The following WDR19 variants were observed in gnomAD, a reference collection of about 807,000 sequenced individuals.
WDR19 encodes the protein WD repeat-containing protein 19.
WDR19 carries 121 observed loss-of-function variants against 180.0 expected under a neutral mutation model. That is an observed-to-expected ratio of 0.67 (90% CI 0.58 to 0.78). The LOEUF (loss-of-function observed/expected upper bound fraction) is 0.78, where lower values mean the gene tolerates loss of function less well. Ranked by LOEUF, WDR19 falls within the 30% of genes least tolerant of loss-of-function variation. The probability of loss-of-function intolerance (pLI) is 0.00; values close to 1 mark genes in which losing one functional copy is unlikely to be tolerated. For synonymous variants in WDR19, 497 were observed against 540.7 expected (o/e 0.92, Z 1.12); for missense variants, 1,450 against 1,640.7 (o/e 0.88, Z 2.01).
At chr4:39,268,654 A>G (rs993567654) in intron 30 of WDR19, among the ~76,000 whole-genome samples, 2 of 152,162 alleles carry the variant, frequency 1.3e-5, no homozygotes, top group African/African-American at 2.4e-5. Context: ...TGTGGACACA[A>G]TTTTGGAAAA....
chr4:39,189,551 T>TTA (rs1420179897), intron 3 of WDR19, 105 bp from the exon 4 acceptor site: 2 of 1,068,140 alleles, frequency 1.9e-6, no homozygotes. Flanking sequence ...GAGAGTTTAT[T>TTA]ATCTGTTCAA....
At chr4:39,269,396 G>A (rs1735119999) in intron 30 of WDR19, among the ~76,000 whole-genome samples, 1 of 152,150 alleles carries the variant, frequency 6.6e-6, no homozygotes, top group Admixed American at 6.5e-5. Flanking sequence ...GCATGGGAAG[G>A]GAGGCTGGAA....
At chr4:39,242,386 C>T (rs942487846) in intron 21 of WDR19, among the ~76,000 whole-genome samples, 1 of 152,098 alleles carries the variant, frequency 6.6e-6, no homozygotes, top group African/African-American at 2.4e-5. Flanking sequence ...CCTCCCTAAG[C>T]ACTGCGATTA....
chr4:39,255,314 T>G (rs1284487569), intron 26 of WDR19, among the ~76,000 whole-genome samples: 1 of 152,154 alleles, frequency 6.6e-6, no homozygotes, highest in Non-Finnish European at 1.5e-5. Flanking sequence ...TCTTATAAAC[T>G]CCCTCTTCCT....
chr4:39,183,250 C>CTTTTTTGTTTT (rs1725146656), intron 1 of WDR19, among the ~76,000 whole-genome samples: 1 of 79,224 alleles, frequency 1.3e-5, no homozygotes, highest in African/African-American at 5.0e-5. Flanking sequence ...AAATGGAAGG[C>CTTTTTTGTTTT]TTTTTTTTTT....
At chr4:39,201,083 G>T (rs1367832484) in intron 6 of WDR19, among the ~76,000 whole-genome samples, 3 of 152,004 alleles carry the variant, frequency 2.0e-5, no homozygotes, top group Admixed American at 2.0e-4. Context: ...TGGGGTCGGG[G>T]GTTTCCTCTC....
intron 24 of WDR19, among the ~76,000 whole-genome samples, chr4:39,246,024 G>T (rs1041279874): frequency 6.6e-6 from 1 of 152,086 alleles, no homozygotes; most frequent in African/African-American, 2.4e-5. Flanking sequence ...ATAGGAAAAT[G>T]GGCTAAAGAC....
At chr4:39,232,464 A>C (rs1276074043) in intron 19 of WDR19, among the ~76,000 whole-genome samples, 192 bp downstream of exon 19, 1 of 152,182 alleles carries the variant, frequency 6.6e-6, no homozygotes, top group Admixed American at 6.5e-5. Flanking sequence ...ATCTCAGCTA[A>C]AAATACAAAA....
chr4:39,232,046 T>C, intron 18 of WDR19, 90 bp downstream of exon 18: 2 of 1,543,416 alleles, frequency 1.3e-6, no homozygotes, highest in Non-Finnish European at 1.8e-6. Flanking sequence ...TAATCTTACC[T>C]CTTAAACAAG....
intron 14 of WDR19, among the ~76,000 whole-genome samples, chr4:39,220,560 ATTT>A (rs142037096): frequency 1.6e-5 from 1 of 64,382 alleles, no homozygotes; most frequent in African/African-American, 7.3e-5. Context: ...GACCTCCTTG[ATTT>A]TTTTTTTTTT....
chr4:39,273,199 G>T (rs1735554298), intron 32 of WDR19, 138 bp downstream of exon 32: 1 of 634,712 alleles, frequency 1.6e-6, no homozygotes, highest in Non-Finnish European at 2.7e-6. Context: ...GTATGTCAGG[G>T]CCCCAAGACC....
At chr4:39,244,198 A>T (rs1732259962) in intron 21 of WDR19, 50 bp from the exon 22 acceptor site, 1 of 1,590,170 alleles carries the variant, frequency 6.3e-7, no homozygotes, top group African/African-American at 1.3e-5. Context: ...TCTTAAACAC[A>T]TCGTGTTAAG....
chr4:39,245,685 G>C (rs1732448976), intron 24 of WDR19, among the ~76,000 whole-genome samples: 1 of 152,096 alleles, frequency 6.6e-6, no homozygotes, highest in African/African-American at 2.4e-5. Flanking sequence ...TTATTTGAGG[G>C]TTTTATAATG....
At chr4:39,232,480 C>T (rs552887326) in intron 19 of WDR19, among the ~76,000 whole-genome samples, 1 of 152,240 alleles carries the variant, frequency 6.6e-6, no homozygotes, top group Admixed American at 6.5e-5. Flanking sequence ...CAAAAATTAG[C>T]CGGACGTGGT....
intron 20 of WDR19, among the ~76,000 whole-genome samples, chr4:39,235,286 C>G (rs537315488): frequency 6.6e-6 from 1 of 152,138 alleles, no homozygotes; most frequent in Admixed American, 6.6e-5. Context: ...ACCACAAGGC[C>G]TGGCTAATTT....
Position 39,223,404 on chromosome 4 carries a change from C to A in WDR19, c.1480-1480C>A, listed in dbSNP as rs572641116. Among the ~76,000 whole-genome samples, 37 of 152,322 alleles carry A rather than the reference C, an allele frequency of 2.4e-4. 1 individual carries two copies. The South Asian group carries it at 7.5e-3, about 31-fold the overall frequency. Reference sequence around the variant, plus strand: ...GGAGTGCAGTGGCGCGATCTCAGCACACTGCAACCTCCACTTCCTGGGTTC... The same window carrying A: ...GGAGTGCAGTGGCGCGATCTCAGCAAACTGCAACCTCCACTTCCTGGGTTC... On this transcript the variant is annotated intron_variant, in intron 14 of 36. Coordinates refer to ENST00000399820, the MANE Select transcript of WDR19 (RefSeq NM_025132.4).
chr4:39,253,682 G>A (rs750133685), intron 25 of WDR19, among the ~76,000 whole-genome samples: 1 of 151,986 alleles, frequency 6.6e-6, no homozygotes. Flanking sequence ...GGGAGGCTGA[G>A]GCAGGAAAGT....
At chr4:39,224,177 AT>A (rs1255696536) in intron 14 of WDR19, among the ~76,000 whole-genome samples, 5 of 152,084 alleles carry the variant, frequency 3.3e-5, no homozygotes, top group African/African-American at 1.2e-4. Context: ...TATCAGGTGG[AT>A]TTTTTTGTCT....
At chr4:39,222,892 T>G (rs1431063183) in intron 14 of WDR19, among the ~76,000 whole-genome samples, 1 of 152,190 alleles carries the variant, frequency 6.6e-6, no homozygotes, top group Non-Finnish European at 1.5e-5. Context: ...ACCCCATTCT[T>G]AACCCCTGGT....
Sources: gnomAD v4.1 joint callset for allele counts (sites outside exome capture counted in the v4.1 genomes callset) on GRCh38, gnomAD v4.1.1 for gene constraint, MANE v1.5 for transcripts, NCBI Gene and HGNC (gene_info 2026-07-23, HGNC 2026-07-21) for gene names.